The following NDUFS2 variants were observed in gnomAD, a reference collection of about 807,000 sequenced individuals.
NDUFS2 encodes NADH dehydrogenase [ubiquinone] iron-sulfur protein 2, mitochondrial.
In NDUFS2, 38 loss-of-function variants were observed where a neutral mutation model predicts 69.6. That is an observed-to-expected ratio of 0.55 (90% CI 0.42 to 0.72). The LOEUF (loss-of-function observed/expected upper bound fraction) is 0.72. NDUFS2 is among the 30% of genes least tolerant of loss of function. NDUFS2 has a pLI of 0.00. For synonymous variants in NDUFS2, 194 were observed against 211.2 expected, an observed-to-expected ratio of 0.92 and a Z score of 0.70; for missense variants, 468 against 595.0, an observed-to-expected ratio of 0.79 and a Z score of 2.22.
intron 3 of NDUFS2, among the ~76,000 whole-genome samples, chr1:161,207,249 C>T (rs1025258513): frequency 4.6e-5 from 7 of 152,202 alleles, no homozygotes; most frequent in Admixed American, 2.0e-4. Flanking sequence ...AAGAGAGCCT[C>T]GGCGATGACA....
Position 161,214,275 on chromosome 1 carries a change from G to GTGTGTA in NDUFS2, c.*87_*88insATGTGT. Reference sequence around the variant, plus strand: ...CCTCACTGGAAATTGGCCTCTGTGTGTGTGTGTGTGTGTGTGTGTGTGTGT... The same window carrying GTGTGTA: ...CCTCACTGGAAATTGGCCTCTGTGTGTGTGTATGTGTGTGTGTGTGTGTGTGTGTGT... On this transcript the variant is annotated 3_prime_UTR_variant, in exon 14 of 14. Transcript: ENST00000676972. 1 of 1,046,374 alleles carries GTGTGTA rather than the reference G, an allele frequency of 9.6e-7. No individual in the cohort carries two copies. Among genetic ancestry groups the GTGTGTA allele is most frequent in the Non-Finnish European group, 1.5e-6 (1 of 682,824 alleles). The allele number at this position is 1,046,374 out of a possible 1,614,324, so 64.8% of individuals were successfully genotyped here. A position where few individuals can be genotyped will look rare whatever the true frequency, so the allele number is the denominator to read the frequency against.
intron 3 of NDUFS2, among the ~76,000 whole-genome samples, chr1:161,207,847 C>G (rs57213460): frequency 0.39 from 58,189 of 150,702 alleles, 11,389 homozygotes; most frequent in East Asian, 0.49. Flanking sequence ...GAGTCTCGCT[C>G]TGTCGCCCAG....
chr1:161,201,526 T>C (rs1408264572), upstream of NDUFS2, among the ~76,000 whole-genome samples: 1 of 152,226 alleles, frequency 6.6e-6, no homozygotes, highest in Non-Finnish European at 1.5e-5. Flanking sequence ...GTGATCAGAC[T>C]CCTGGTGCTA....
At chr1:161,213,539 C>T (rs576982607) in intron 11 of NDUFS2, 64 bp downstream of exon 11, 4 of 1,533,068 alleles carry the variant, frequency 2.6e-6, no homozygotes, top group African/African-American at 2.7e-5. Context: ...AGATGTTTAA[C>T]AAATAGCTCA....
chr1:161,209,469 C>T lies in NDUFS2; in HGVS notation c.515-14C>T. 6.2e-7 allele frequency: 1 copy of T among 1,613,244 alleles called. No homozygotes were observed. Among genetic ancestry groups the T allele is most frequent in the Non-Finnish European group, 8.5e-7 (1 of 1,179,414 alleles). On this transcript the variant is annotated splice_polypyrimidine_tract_variant and intron_variant, in intron 4 of 13. Coordinates refer to ENST00000676972, the MANE Select transcript of NDUFS2 (RefSeq NM_001377299.1). ...GCTTGGCTCCTATATCCTGTCTTCT[C>T]CTTGTCTTCACAGTGCTGTTTGGAG...
At chr1:161,200,527 C>G (rs977623923), upstream of NDUFS2, among the ~76,000 whole-genome samples, 39 of 152,208 alleles carry the variant, frequency 2.6e-4, no homozygotes, top group African/African-American at 7.7e-4. Context: ...CACCTCCTGT[C>G]CCCCGCATAT....
chr1:161,197,665 G>C (rs1417131918), upstream of NDUFS2, among the ~76,000 whole-genome samples: 1 of 152,130 alleles, frequency 6.6e-6, no homozygotes, highest in African/African-American at 2.4e-5. Context: ...AAGGCCAAGG[G>C]GCTGTTAGGA....
intron 9 of NDUFS2, among the ~76,000 whole-genome samples, 166 bp from the exon 10 acceptor site, chr1:161,212,185 A>G (rs1350547059): frequency 6.6e-6 from 1 of 151,178 alleles, no homozygotes; most frequent in Non-Finnish European, 1.5e-5. Context: ...AAAAAAAAAG[A>G]CTACAGGGTT....
At chr1:161,200,871 G>C (rs1213195627), upstream of NDUFS2, among the ~76,000 whole-genome samples, 1 of 152,140 alleles carries the variant, frequency 6.6e-6, no homozygotes, top group Non-Finnish European at 1.5e-5. Flanking sequence ...GTGTGTGTGG[G>C]GGTGTTGGCA....
chr1:161,202,180 CT>C (rs1665164567), upstream of NDUFS2: 1 of 618,250 alleles, frequency 1.6e-6, no homozygotes, highest in South Asian at 1.8e-5. Flanking sequence ...AGGAAACGCC[CT>C]CAGTAAAGAT....
At position 161,212,474 on chromosome 1, in the gene NDUFS2, G is replaced by T; in HGVS notation, c.1110G>T (p.Glu370Asp). 1 of 1,612,808 alleles carries T rather than the reference G, an allele frequency of 6.2e-7. No homozygotes were observed. The highest frequency in any genetic ancestry group is 1.1e-5 in the South Asian group (1 of 91,058). Residue 370 changes from glutamate to aspartate, a missense_variant, in exon 10 of 14, where the codon GAG (glutamate) becomes GAT (aspartate). Transcript: ENST00000676972. Reference sequence around the variant, plus strand: ...AAGTGTCTCCACCTAAGCGAGCAGAGATGAAGGTTGGCTGCAGGGAGGGGG... The same window carrying T: ...AAGTGTCTCCACCTAAGCGAGCAGATATGAAGGTTGGCTGCAGGGAGGGGG... ...DAKVSPPKRAEMKTSMESLIH... is the reference protein window; with the variant it reads ...DAKVSPPKRADMKTSMESLIH...
intron 9 of NDUFS2, among the ~76,000 whole-genome samples, chr1:161,211,912 T>G (rs569220532): frequency 8.2e-4 from 125 of 151,800 alleles, no homozygotes; most frequent in Admixed American, 2.8e-3. Flanking sequence ...CACCCAAGAG[T>G]AGAAGCAAAC....
Position 161,206,758 on chromosome 1 carries a change from A to G in NDUFS2, c.393+161A>G, listed in dbSNP as rs371915299. The stretch of plus-strand genomic sequence containing the variant: ...GGTGGATGGAGGGAAGTGGCAGGGG[A>G]TGCTTGAGTCATTAGGATTTGGTTT... On this transcript the variant is annotated intron_variant, in intron 3 of 13. Transcript: ENST00000676972. Among the ~76,000 whole-genome samples, 474 of 152,218 alleles carry G rather than the reference A, an allele frequency of 3.1e-3. 2 individuals are homozygous for G. Among genetic ancestry groups the G allele is most frequent in the African/African-American group, 0.011 (449 of 41,528 alleles).
rs1027909264 is a variant in NDUFS2 at position 161,213,280 on chromosome 1, T to C, written c.1117-100T>C. 104 of 762,484 alleles carry C rather than the reference T, an allele frequency of 1.4e-4. 1 individual carries two copies. The highest frequency in any genetic ancestry group is 6.0e-5 in the Admixed American group (3 of 49,940). 47.2% of individuals were successfully genotyped at this position (762,484 alleles called of 1,614,324 possible). On this transcript the variant is annotated intron_variant, in intron 10 of 13. Coordinates refer to ENST00000676972, the MANE Select transcript of NDUFS2 (RefSeq NM_001377299.1). ...TCTGCTTACTGACTGACATGTGGCTTTAGTCTCCCTGAGGGTAGAGATTAT... is the reference window on the plus strand; with the variant it reads ...TCTGCTTACTGACTGACATGTGGCTCTAGTCTCCCTGAGGGTAGAGATTAT...
chr1:161,213,596 G>C, intron 11 of NDUFS2, 53 bp from the exon 12 acceptor site: 1 of 1,592,498 alleles, frequency 6.3e-7, no homozygotes. Flanking sequence ...TTTGTTGGCA[G>C]AGAAAAATAC....
At position 161,209,095 on chromosome 1, in the gene NDUFS2, C is replaced by T. The variant is rs1368203778; in HGVS notation, c.394-98C>T. 20 of 1,549,560 alleles carry T rather than the reference C, an allele frequency of 1.3e-5. No homozygotes were observed. The East Asian group carries it at 2.9e-4, about 23-fold the overall frequency. ...CCTGAGACTAGAAAGGCTTATACAG[C>T]ACCAACTTCTGGTGCCGACTGAGAG... On this transcript the variant is annotated intron_variant, in intron 3 of 13. Transcript: ENST00000676972.
chr1:161,214,217 C>G lies in NDUFS2; in HGVS notation c.*24C>G. On this transcript the variant is annotated 3_prime_UTR_variant, in exon 14 of 14. Transcript: ENST00000676972. ...GAGCAGGGGAGCAGCGTTTGATCCC[C>G]CCTGCCTATCAGCTTCTTCTGTGGA... The G allele has an allele frequency of 1.2e-6, 2 of 1,600,994 alleles. No homozygotes were observed. The highest frequency in any genetic ancestry group is 1.7e-6 in the Non-Finnish European group (2 of 1,168,332).
Position 161,210,352 on chromosome 1 carries a change from G to T in NDUFS2, c.829G>T (p.Val277Phe). 6.2e-7 allele frequency: 1 copy of T among 1,614,064 alleles called. No individual in the cohort carries two copies. ...IWRNRTIDIG[V>F]VTAEEALNYG... Reference sequence around the variant, plus strand: ...GCGAAATCGGACAATTGACATTGGGGTTGTAACAGCAGAAGAAGCACTTAA... The same window carrying T: ...GCGAAATCGGACAATTGACATTGGGTTTGTAACAGCAGAAGAAGCACTTAA... The change falls in exon 8 of 14, where the codon GTT becomes TTT. Residue 277 changes from valine to phenylalanine, a missense_variant. Around this residue, in one of 3 missense-constraint regions of NDUFS2, gnomAD observed 339 missense variants for 433.8 expected, o/e 0.78. Transcript: ENST00000676972.
At chr1:161,198,375 A>G (rs1472916392), upstream of NDUFS2, 1 of 1,612,890 alleles carries the variant, frequency 6.2e-7, no homozygotes, top group Admixed American at 1.7e-5. The surrounding 1 kb of genome is among the most constrained non-coding windows in gnomAD (Gnocchi z 4.7). Flanking sequence ...AAGGCCTGCA[A>G]GCGGCACAAC....
Sources: gnomAD v4.1 joint callset for allele counts (sites outside exome capture counted in the v4.1 genomes callset) on GRCh38, gnomAD v4.1.1 for gene constraint, gnomAD v4.1.1 regional missense constraint, Gnocchi (gnomAD v3.1) non-coding constraint, MANE v1.5 for transcripts, NCBI Gene and HGNC (gene_info 2026-07-23, HGNC 2026-07-21) for gene names.